Variants in CCL16 observed in about 807,000 individuals in gnomAD.
The protein encoded by CCL16 is C-C motif chemokine 16.
In CCL16, 6 loss-of-function variants were observed where a neutral mutation model predicts 7.5. That is an observed-to-expected ratio of 0.80 (90% confidence interval 0.44 to 1.57). The LOEUF (loss-of-function observed/expected upper bound fraction) is 1.57, where lower values mean the gene tolerates loss of function less well. Among genes scored for constraint, CCL16 ranks in the 40% most tolerant of loss-of-function variants. The pLI is 0.01. For synonymous variants in CCL16, 60 were observed against 57.7 expected, an observed-to-expected ratio of 1.04 and a Z score of -0.18; for missense variants, 134 against 142.9, an observed-to-expected ratio of 0.94 and a Z score of 0.32.
At chr17:35,978,394 C>T (rs945776421) in intron 1 of CCL16, 131 bp from the exon 2 acceptor site, 1 of 1,198,802 alleles carries the variant, frequency 8.3e-7, no homozygotes, top group Non-Finnish European at 1.2e-6. Flanking sequence ...CCAATGATAG[C>T]TTGACTGGTA....
intron 1 of CCL16, 21 bp from the exon 2 acceptor site, chr17:35,978,284 G>A: frequency 6.2e-7 from 1 of 1,614,158 alleles, no homozygotes; most frequent in South Asian, 1.1e-5. Flanking sequence ...CACATTGCAA[G>A]CTGAGCCAGG....
chr17:35,978,659 G>A (rs1203682350), intron 1 of CCL16, among the ~76,000 whole-genome samples: 1 of 152,170 alleles, frequency 6.6e-6, no homozygotes, highest in African/African-American at 2.4e-5. Flanking sequence ...GACTAGTCAG[G>A]GTTGAAAGAG....
At chr17:35,981,272 C>T in intron 1 of CCL16, 73 bp downstream of exon 1, 1 of 1,086,986 alleles carries the variant, frequency 9.2e-7, no homozygotes, top group Non-Finnish European at 1.4e-6. Flanking sequence ...CGACAGCGCC[C>T]TTGGCACTAC....
Position 35,977,641 on chromosome 17 carries a change from C to A in CCL16, c.288G>T (p.Leu96=). 6.2e-7 allele frequency: 1 copy of A among 1,612,456 alleles called. No individual in the cohort carries two copies. Among genetic ancestry groups the A allele is most frequent in the Non-Finnish European group, 8.5e-7 (1 of 1,180,024 alleles). Residue 96 remains leucine (L), a synonymous_variant, in exon 3 of 3, where the codon CTG becomes CTT. Coordinates refer to ENST00000611905, the MANE Select transcript of CCL16 (RefSeq NM_004590.4). ...EYIKDPNLPL[L]PTRNLSTVKI... is the part of the protein sequence containing the mutation. ...TAACCGTGGACAAGTTCCTGGTAGG[C>A]AGCAAAGGTAGGTTGGGATCCTTGA...
chr17:35,980,832 C>A (rs965999372), intron 1 of CCL16, among the ~76,000 whole-genome samples: 11 of 152,136 alleles, frequency 7.2e-5, no homozygotes, highest in Non-Finnish European at 1.6e-4. Flanking sequence ...AGCCATTCCA[C>A]TGGGACTCAT....
intron 1 of CCL16, chr17:35,978,744 G>A (rs2089659227): frequency 6.1e-6 from 1 of 164,644 alleles, no homozygotes; most frequent in African/African-American, 2.4e-5. Flanking sequence ...AGGTGCTATG[G>A]GAACAGAATG....
At position 35,981,287 on chromosome 17, in the gene CCL16, C is replaced by G; in HGVS notation, c.76+58G>C. 2.3e-6 allele frequency: 3 copies of G among 1,307,320 alleles called. No individual in the cohort carries two copies. In the South Asian group the frequency reaches 3.8e-5, roughly 16 times the overall value. The allele number at this position is 1,307,320 out of a possible 1,614,324, so 81.0% of individuals were successfully genotyped here. On this transcript the variant is annotated intron_variant, in intron 1 of 2. Transcript: ENST00000611905. ...CGACAGCGCCCTTGGCACTACCTCC[C>G]TGCCAGCTGCTCCATCCCCCTTTCT...
intron 1 of CCL16, 63 bp from the exon 2 acceptor site, chr17:35,978,326 C>T (rs114853983): frequency 0.032 from 51,174 of 1,608,496 alleles, 1,788 homozygotes; most frequent in South Asian, 0.15. Context: ...CTGCCCACCT[C>T]TGTCTCCCAC....
intron 1 of CCL16, 60 bp from the exon 2 acceptor site, chr17:35,978,323 C>T: frequency 1.2e-6 from 2 of 1,609,472 alleles, no homozygotes; most frequent in Non-Finnish European, 1.7e-6. Flanking sequence ...CAGCTGCCCA[C>T]CTCTGTCTCC....
rs1444492792 is a variant in CCL16 at position 35,977,097 on chromosome 17, T to C, written c.*469A>G. Reference sequence around the variant, plus strand: ...TTTTGGAAGGCTGAGGCAGGTGGATTGCTTGGGCACACGAGTTTGAGACCA... The same window carrying C: ...TTTTGGAAGGCTGAGGCAGGTGGATCGCTTGGGCACACGAGTTTGAGACCA... On this transcript the variant is annotated 3_prime_UTR_variant, in exon 3 of 3. Transcript: ENST00000611905. 3.9e-5 allele frequency: 6 copies of C among 152,708 alleles called. No homozygotes were observed. Among genetic ancestry groups the C allele is most frequent in the Admixed American group, 3.9e-4 (6 of 15,290 alleles). The allele number at this position is 152,708 out of a possible 1,614,324, so 9.5% of individuals were successfully genotyped here. A position where few individuals can be genotyped will look rare whatever the true frequency, so the allele number is the denominator to read the frequency against.
chr17:35,977,542 A>T lies in CCL16; in HGVS notation c.*24T>A, dbSNP rs772020465. ...GGTTTACCCCTCTCTTCTGTAAACA[A>T]GGGCTTCCACTAAAGCCTGGTCATC... On this transcript the variant is annotated 3_prime_UTR_variant, in exon 3 of 3. Coordinates refer to ENST00000611905, the MANE Select transcript of CCL16 (RefSeq NM_004590.4). The T allele has an allele frequency of 3.7e-6, 6 of 1,609,202 alleles. No individual in the cohort carries two copies. In the South Asian group the frequency reaches 6.6e-5, roughly 18 times the overall value.
Position 35,978,223 on chromosome 17 carries a change from C to T in CCL16, c.117G>A (p.Leu39=), listed in dbSNP as rs143888448. ...TTGGCAACACTTTCTCATAATACTTCAGGCAGCAGGTGGATGGGGTGTTCA... is the reference window on the plus strand; with the variant it reads ...TTGGCAACACTTTCTCATAATACTTTAGGCAGCAGGTGGATGGGGTGTTCA... ...EWVNTPSTCC[L]KYYEKVLPRR... is the part of the protein sequence containing the mutation. Residue 39 remains leucine, a synonymous_variant, in exon 2 of 3, where the codon CTG becomes CTA. Coordinates refer to ENST00000611905, the MANE Select transcript of CCL16 (RefSeq NM_004590.4). 3 of 1,614,110 alleles carry T rather than the reference C, an allele frequency of 1.9e-6. No individual in the cohort carries two copies. The highest frequency in any genetic ancestry group is 1.7e-5 in the Admixed American group (1 of 60,006).
chr17:35,978,974 A>T (rs888564002), intron 1 of CCL16: 1 of 152,150 alleles, frequency 6.6e-6, no homozygotes, highest in Non-Finnish European at 1.5e-5. Context: ...CTCTACTAAC[A>T]AAAATTAGCC....
Position 35,978,223 on chromosome 17 carries a change from C to A in CCL16, c.117G>T (p.Leu39=), listed in dbSNP as rs143888448. The stretch of plus-strand genomic sequence containing the variant: ...TTGGCAACACTTTCTCATAATACTT[C>A]AGGCAGCAGGTGGATGGGGTGTTCA... ...EWVNTPSTCC[L]KYYEKVLPRR... is the part of the protein sequence containing the mutation. Residue 39 remains leucine (L), a synonymous_variant, in exon 2 of 3, where the codon CTG becomes CTT. Coordinates refer to ENST00000611905, the MANE Select transcript of CCL16 (RefSeq NM_004590.4). 1 of 1,614,110 alleles carries A rather than the reference C, an allele frequency of 6.2e-7. No individual in the cohort carries two copies. Among genetic ancestry groups the A allele is most frequent in the Non-Finnish European group, 8.5e-7 (1 of 1,180,046 alleles).
intron 1 of CCL16, among the ~76,000 whole-genome samples, chr17:35,980,037 A>G (rs1361608439): frequency 1.3e-5 from 2 of 152,128 alleles, no homozygotes; most frequent in Non-Finnish European, 2.9e-5. Flanking sequence ...TGACTCTCCC[A>G]AAGAGCACTG....
At chr17:35,978,076 T>C (rs1339726119) in intron 2 of CCL16, 67 bp downstream of exon 2, 2 of 1,602,538 alleles carry the variant, frequency 1.2e-6, no homozygotes, top group South Asian at 1.1e-5. Flanking sequence ...CTTGATCCCA[T>C]GTATCTCATT....
At chr17:35,977,752 C>T (rs116832677) in intron 2 of CCL16, 21 bp from the exon 3 acceptor site, 3 of 1,608,104 alleles carry the variant, frequency 1.9e-6, no homozygotes, top group Admixed American at 1.7e-5. Flanking sequence ...AGAATTAGAC[C>T]GTCATGGGCT....
At chr17:35,978,359 T>C (rs545074841) in intron 1 of CCL16, 96 bp from the exon 2 acceptor site, 17 of 1,541,528 alleles carry the variant, frequency 1.1e-5, no homozygotes, top group Admixed American at 1.7e-5. Context: ...ACTCCTCTGA[T>C]AGCAAAGCCG....
In CCL16 at chr17:35,978,183, C is replaced by A; in HGVS notation, c.157G>T (p.Gly53Ter). 5.6e-6 allele frequency: 9 copies of A among 1,614,174 alleles called. No homozygotes were observed. Among genetic ancestry groups the A allele is most frequent in the Non-Finnish European group, 7.6e-6 (9 of 1,180,030 alleles). Residue 53 changes from glycine (G) to a stop codon, truncating the protein, a stop_gained, in exon 2 of 3, where the codon GGA becomes TGA. Transcript: ENST00000611905. LOFTEE classifies it low-confidence loss of function (END_TRUNC). Reference protein sequence around the residue: ...EKVLPRRLVVGYRKALNCHLP... With the variant: ...EKVLPRRLVV Reference sequence around the variant, plus strand: ...TGACAGTTGAGGGCCTTTCTGTATCCCACCACTAGTCTCCTTGGCAACACT... The same window carrying A: ...TGACAGTTGAGGGCCTTTCTGTATCACACCACTAGTCTCCTTGGCAACACT...
Sources: gnomAD v4.1 joint callset for allele counts (sites outside exome capture counted in the v4.1 genomes callset) on GRCh38, gnomAD v4.1.1 for gene constraint, MANE v1.5 for transcripts, NCBI Gene and HGNC (gene_info 2026-07-23, HGNC 2026-07-21) for gene names.